DSCAML1: variants seen among roughly 807,000 people sequenced by gnomAD.
The protein encoded by DSCAML1 is DS cell adhesion molecule like 1, also known as cell adhesion molecule DSCAML1.
A neutral mutation model predicts 200.5 loss-of-function variants in DSCAML1; 38 were observed. The ratio of observed to expected loss-of-function variants is 0.19; its 90% CI spans 0.15 to 0.25. The LOEUF is 0.25. DSCAML1 is among the 10% of genes least tolerant of loss of function. The probability of loss-of-function intolerance (pLI) is 1.00; values close to 1 mark genes in which losing one functional copy is unlikely to be tolerated. For synonymous variants in DSCAML1, 1,215 were observed against 1,165.0 expected (o/e 1.04, Z -0.87); for missense variants, 2,223 against 2,858.8 (o/e 0.78, Z 5.07).
At chr11:117,522,054 A>G (rs1018415470) in intron 5 of DSCAML1, among the ~76,000 whole-genome samples, 3 of 152,212 alleles carry the variant, frequency 2.0e-5, no homozygotes, top group Non-Finnish European at 4.4e-5. Context: ...TAGGGGTTCA[A>G]AGGGGTTCCG....
chr11:117,530,386 T>G (rs978655256), intron 4 of DSCAML1, among the ~76,000 whole-genome samples: 1 of 152,064 alleles, frequency 6.6e-6, no homozygotes, highest in African/African-American at 2.4e-5. Flanking sequence ...AGGATAAGCA[T>G]GCAAATGAGA....
In DSCAML1 at chr11:117,780,980, T is replaced by C. The variant is rs2055247457; in HGVS notation, c.47-170A>G. Among the ~76,000 whole-genome samples, 1 of 152,142 alleles carries C rather than the reference T, an allele frequency of 6.6e-6. No homozygotes were observed. Among genetic ancestry groups the C allele is most frequent in the Non-Finnish European group, 1.5e-5 (1 of 68,022 alleles). ...TACACCAGGCACTGGCAAAGGTGAA[T>C]CAGAGACAGTTCCTGATCTATAGAA... On this transcript the variant is annotated intron_variant, in intron 1 of 32. Coordinates refer to ENST00000651296, the MANE Select transcript of DSCAML1 (RefSeq NM_020693.4). The surrounding 1 kb of genome is among the most constrained non-coding windows in gnomAD (Gnocchi z 4.8).
intron 3 of DSCAML1, among the ~76,000 whole-genome samples, chr11:117,626,226 A>G (rs2052044737): frequency 7.2e-6 from 1 of 138,714 alleles, no homozygotes; most frequent in Admixed American, 7.2e-5. Context: ...TTCTGGCATG[A>G]GACCTGGTCA....
intron 3 of DSCAML1, among the ~76,000 whole-genome samples, chr11:117,632,215 T>C (rs900787076): frequency 6.6e-6 from 1 of 152,192 alleles, no homozygotes; most frequent in Non-Finnish European, 1.5e-5. Context: ...CATAAGGAAA[T>C]GTCTCCTAAA....
rs562202375 is a variant in DSCAML1, at chr11:117,777,544, G to A, written c.365-607C>T. ...GCTTACAAGGACAAAGGGAGAGAAT[G>A]TTTGGGACTACGATTGTCTCTGAGC... On this transcript the variant is annotated intron_variant, in intron 2 of 32. Coordinates refer to ENST00000651296, the MANE Select transcript of DSCAML1 (RefSeq NM_020693.4). Among the ~76,000 whole-genome samples the A allele has an allele frequency of 3.7e-4, 57 of 152,342 alleles. 1 individual carries two copies. In the South Asian group the frequency reaches 0.012, roughly 31 times the overall value.
intron 3 of DSCAML1, among the ~76,000 whole-genome samples, chr11:117,605,312 G>C (rs2137517995): frequency 6.6e-6 from 1 of 152,210 alleles, no homozygotes; most frequent in African/African-American, 2.4e-5. Context: ...GGAAAGATGG[G>C]GTTGACCATG....
chr11:117,749,213 C>T (rs778968383), intron 3 of DSCAML1, among the ~76,000 whole-genome samples: 8 of 152,186 alleles, frequency 5.3e-5, no homozygotes, highest in South Asian at 4.1e-4. Context: ...TGAGCCGGGA[C>T]GAGGGTTTGG....
chr11:117,569,220 C>A (rs2050806824), intron 3 of DSCAML1, among the ~76,000 whole-genome samples: 1 of 152,162 alleles, frequency 6.6e-6, no homozygotes, highest in Non-Finnish European at 1.5e-5. Flanking sequence ...AAAATCAATT[C>A]AAGATGGATT....
intron 20 of DSCAML1, among the ~76,000 whole-genome samples, chr11:117,444,666 T>A (rs901520681): frequency 1.3e-5 from 2 of 152,128 alleles, no homozygotes; most frequent in Non-Finnish European, 2.9e-5. Context: ...ATCTATAAAA[T>A]TTTTTTTAAC....
rs2049446772 is a variant in DSCAML1 at position 117,504,084 on chromosome 11, A to G, written c.2183-63T>C. 6.4e-7 allele frequency: 1 copy of G among 1,574,472 alleles called. No individual in the cohort carries two copies. Among genetic ancestry groups the G allele is most frequent in the South Asian group, 1.2e-5 (1 of 85,870 alleles). ...CTGGGGCATAAGCTGAGAGTGCCCC[A>G]GGAGTGGCCCTGACACCTCGCTCTT... On this transcript the variant is annotated intron_variant, in intron 10 of 32. Coordinates refer to ENST00000651296, the MANE Select transcript of DSCAML1 (RefSeq NM_020693.4). The surrounding 1 kb of genome is among the most constrained non-coding windows in gnomAD (Gnocchi z 5.0).
intron 3 of DSCAML1, among the ~76,000 whole-genome samples, chr11:117,653,094 C>T (rs925614123): frequency 3.9e-5 from 6 of 152,150 alleles, no homozygotes; most frequent in African/African-American, 7.2e-5. Flanking sequence ...CCCTCCCCAA[C>T]TTAGGACAAG....
At chr11:117,791,457 C>G (rs779415907) in intron 1 of DSCAML1, among the ~76,000 whole-genome samples, 7 of 152,240 alleles carry the variant, frequency 4.6e-5, no homozygotes, top group Non-Finnish European at 8.8e-5. Context: ...CTCTGGCCAA[C>G]CGTGGTAGAG....
intron 27 of DSCAML1, among the ~76,000 whole-genome samples, chr11:117,434,222 A>G (rs1350448125): frequency 2.0e-5 from 3 of 152,090 alleles, no homozygotes; most frequent in Admixed American, 6.5e-5. Context: ...CCATCCATCC[A>G]TCTAACCACC....
chr11:117,781,531 C>G (rs963283380), intron 1 of DSCAML1, among the ~76,000 whole-genome samples: 8 of 152,114 alleles, frequency 5.3e-5, no homozygotes, highest in African/African-American at 1.9e-4. Flanking sequence ...GAATGGAAGA[C>G]GGAAGAGTGC....
chr11:117,778,397 G>A (rs2055170927), intron 2 of DSCAML1, among the ~76,000 whole-genome samples: 2 of 152,184 alleles, frequency 1.3e-5, no homozygotes, highest in Non-Finnish European at 2.9e-5. Context: ...ATGTCCCAGG[G>A]AGTCAGCAGA....
chr11:117,663,150 G>A (rs747856243), intron 3 of DSCAML1, among the ~76,000 whole-genome samples: 6 of 152,178 alleles, frequency 3.9e-5, no homozygotes, highest in Non-Finnish European at 7.3e-5. Context: ...TCAGACCCAT[G>A]GCATTGCACG....
chr11:117,797,392 G>A, upstream of DSCAML1: 2 of 709,834 alleles, frequency 2.8e-6, no homozygotes, highest in Non-Finnish European at 4.0e-6. Flanking sequence ...GCCCGGGCCA[G>A]ACCGCCCCGA....
At chr11:117,464,896 C>T (rs1565706876) in intron 17 of DSCAML1, 46 bp downstream of exon 17, 3 of 1,598,636 alleles carry the variant, frequency 1.9e-6, no homozygotes, top group Non-Finnish European at 1.7e-6. Flanking sequence ...CCTGGCTCTG[C>T]CCATGGCAGG....
At chr11:117,721,722 T>G (rs1057331349) in intron 3 of DSCAML1, among the ~76,000 whole-genome samples, 2 of 147,416 alleles carry the variant, frequency 1.4e-5, no homozygotes, top group African/African-American at 4.9e-5. Flanking sequence ...AAATATATCA[T>G]ATATCATATA....
Sources: allele counts gnomAD v4.1 joint callset (sites outside exome capture counted in the v4.1 genomes callset), GRCh38; gene constraint gnomAD v4.1.1; non-coding constraint Gnocchi (gnomAD v3.1); transcripts MANE v1.5; gene names NCBI Gene and HGNC (gene_info 2026-07-23, HGNC 2026-07-21).